Variants in CDC25A observed in about 807,000 individuals in gnomAD.
CDC25A encodes M-phase inducer phosphatase 1.
In CDC25A, 17 loss-of-function variants were observed where a neutral mutation model predicts 64.6. The ratio of observed to expected loss-of-function variants is 0.26; its 90% CI spans 0.18 to 0.39. The LOEUF is 0.39. Among genes scored for constraint, CDC25A ranks in the 10% least tolerant of loss-of-function variants. The probability of loss-of-function intolerance (pLI) is 1.00; values close to 1 mark genes in which losing one functional copy is unlikely to be tolerated. For missense variants in CDC25A, 473 were observed against 654.8 expected, an observed-to-expected ratio of 0.72 and a Z score of 3.03; for synonymous variants, 229 against 238.6, an observed-to-expected ratio of 0.96 and a Z score of 0.37.
chr3:48,169,179 C>T (rs902366173), intron 9 of CDC25A, among the ~76,000 whole-genome samples: 9 of 152,184 alleles, frequency 5.9e-5, no homozygotes, highest in Non-Finnish European at 1.2e-4. Context: ...TTCATCCTGC[C>T]TTTCCCAAGG....
At chr3:48,170,726 C>T (rs891344100) in intron 9 of CDC25A, among the ~76,000 whole-genome samples, 1 of 152,194 alleles carries the variant, frequency 6.6e-6, no homozygotes, top group Non-Finnish European at 1.5e-5. Flanking sequence ...GTTCCAACCT[C>T]TAATCATGTC....
intron 13 of CDC25A, among the ~76,000 whole-genome samples, chr3:48,160,090 A>G (rs932282934): frequency 6.6e-6 from 1 of 152,000 alleles, no homozygotes; most frequent in Non-Finnish European, 1.5e-5. Context: ...TGGGAGCTCC[A>G]CCACTGGCCT....
At chr3:48,176,422 T>C (rs2032458724) in intron 8 of CDC25A, among the ~76,000 whole-genome samples, 1 of 151,232 alleles carries the variant, frequency 6.6e-6, no homozygotes, top group Admixed American at 6.6e-5. Flanking sequence ...TGATTTTGAA[T>C]ATATATACAC....
In CDC25A at chr3:48,186,931, C is replaced by G; in HGVS notation, c.171-152G>C. 1.5e-5 allele frequency: 9 copies of G among 596,502 alleles called. No homozygotes were observed. The South Asian group carries it at 1.8e-4, about 12-fold the overall frequency. The allele number at this position is 596,502 out of a possible 1,614,324, so 37.0% of individuals were successfully genotyped here. A position where few individuals can be genotyped will look rare whatever the true frequency, so the allele number is the denominator to read the frequency against. ...GTGGCAAAGATCCCACTTTGCCACT[C>G]TGAACACCCAATTAGCACTTGGGCA... On this transcript the variant is annotated intron_variant, in intron 1 of 14. Transcript: ENST00000302506.
chr3:48,187,748 C>T (rs750147019), intron 1 of CDC25A, 30 bp downstream of exon 1: 39 of 1,526,546 alleles, frequency 2.6e-5, no homozygotes, highest in African/African-American at 1.9e-4. Context: ...GGCCAGGGGC[C>T]CGGAGCACCG....
rs1156535822 is a variant in CDC25A at position 48,164,366 on chromosome 3, A to G, written c.1263T>C (p.Asp421=). The change falls in exon 13 of 15, where the codon GAT becomes GAC. Residue 421 remains aspartate, a synonymous_variant. Coordinates refer to ENST00000302506, the MANE Select transcript of CDC25A (RefSeq NM_001789.3). ...FLLKKPIVPT[D]GKRVIVVFHC... is the part of the protein sequence containing the mutation. ...GAAACACAACAATGACACGCTTGCC[A>G]TCAGTAGGTACAATGGGCTTCTTCA... 3 of 1,603,598 alleles carry G rather than the reference A, an allele frequency of 1.9e-6. No individual in the cohort carries two copies. Among genetic ancestry groups the G allele is most frequent in the Non-Finnish European group, 1.7e-6 (2 of 1,176,358 alleles).
chr3:48,184,592 G>A (rs2032782421), intron 3 of CDC25A, 61 bp downstream of exon 3: 2 of 1,109,206 alleles, frequency 1.8e-6, no homozygotes, highest in Admixed American at 2.2e-5. Flanking sequence ...ATTTAAATAA[G>A]GTATTTAAGT....
chr3:48,170,646 T>A (rs1391283393), intron 9 of CDC25A, among the ~76,000 whole-genome samples: 1 of 152,190 alleles, frequency 6.6e-6, no homozygotes, highest in Non-Finnish European at 1.5e-5. Context: ...GATTAAACCA[T>A]TGGCCATGAG....
intron 13 of CDC25A, among the ~76,000 whole-genome samples, chr3:48,163,382 A>T (rs1457961424): frequency 6.6e-6 from 1 of 152,078 alleles, no homozygotes; most frequent in Non-Finnish European, 1.5e-5. Context: ...AGGCAGGCGG[A>T]TCACCTAAGG....
intron 9 of CDC25A, among the ~76,000 whole-genome samples, chr3:48,170,809 A>T (rs3731531): frequency 0.04 from 6,146 of 152,250 alleles, 424 homozygotes; most frequent in African/African-American, 0.14. Context: ...GACCTTGGAT[A>T]TTCCAAAGAT....
chr3:48,184,593 G>C, intron 3 of CDC25A, 60 bp downstream of exon 3: 1 of 1,122,990 alleles, frequency 8.9e-7, no homozygotes, highest in South Asian at 1.4e-5. Context: ...TTTAAATAAG[G>C]TATTTAAGTT....
At chr3:48,159,176 C>A in intron 14 of CDC25A, 91 bp from the exon 15 acceptor site, 1 of 1,506,032 alleles carries the variant, frequency 6.6e-7, no homozygotes, top group Non-Finnish European at 9.1e-7. Context: ...AGGCTGAAAG[C>A]GGCCAGGCAG....
At chr3:48,163,279 G>A (rs1409355537) in intron 13 of CDC25A, among the ~76,000 whole-genome samples, 1 of 115,140 alleles carries the variant, frequency 8.7e-6, no homozygotes, top group African/African-American at 3.7e-5. Flanking sequence ...GTGTGCCTCC[G>A]CCTCAAAAAA....
At chr3:48,178,566 G>C (rs2032551417) in intron 6 of CDC25A, among the ~76,000 whole-genome samples, 1 of 152,196 alleles carries the variant, frequency 6.6e-6, no homozygotes, top group Non-Finnish European at 1.5e-5. Context: ...TAATCCAATA[G>C]AAGCCTCACA....
At chr3:48,164,519 G>T in intron 12 of CDC25A, 82 bp from the exon 13 acceptor site, 3 of 1,305,380 alleles carry the variant, frequency 2.3e-6, no homozygotes, top group Non-Finnish European at 3.0e-6. Context: ...GATTCATCAA[G>T]AGTGATCTTT....
At chr3:48,179,152 G>T (rs543437404) in intron 6 of CDC25A, among the ~76,000 whole-genome samples, 1 of 152,240 alleles carries the variant, frequency 6.6e-6, no homozygotes, top group African/African-American at 2.4e-5. Context: ...TCCTCCCCAA[G>T]TGCACACTCT....
At chr3:48,162,389 G>A (rs13324912) in intron 13 of CDC25A, among the ~76,000 whole-genome samples, 2 of 151,514 alleles carry the variant, frequency 1.3e-5, no homozygotes, top group South Asian at 2.1e-4. Flanking sequence ...GGGCTCAAAC[G>A]ATCCTCCCAC....
At position 48,162,796 on chromosome 3, in the gene CDC25A, C is replaced by T. The variant is rs551240144; in HGVS notation, c.1322+1511G>A. ...CCAGGAGGCGGAGCTTGCAGTAAGT[C>T]GAGATTGTGCCACTGCACTCCAGCC... On this transcript the variant is annotated intron_variant, in intron 13 of 14. Coordinates refer to ENST00000302506, the MANE Select transcript of CDC25A (RefSeq NM_001789.3). Among the ~76,000 whole-genome samples the T allele has an allele frequency of 4.7e-5, 7 of 150,510 alleles. No individual in the cohort carries two copies. The South Asian group carries it at 1.3e-3, about 27-fold the overall frequency.
Position 48,167,938 on chromosome 3 carries a change from G to A in CDC25A, c.937C>T (p.His313Tyr). The part of the protein sequence containing the change: ...TNPEKAHETL[H>Y]QSLSLASSPK... Reference sequence around the variant, plus strand: ...GAAGATGCCAGGGATAAAGACTGATGAAGAGTCTGTAACAAATCAAAGGTA... The same window carrying A: ...GAAGATGCCAGGGATAAAGACTGATAAAGAGTCTGTAACAAATCAAAGGTA... Residue 313 changes from histidine (H) to tyrosine (Y), a missense_variant, in exon 10 of 15, where the codon CAT becomes TAT. This residue lies in a region of CDC25A where 376 missense variants were observed against 431.9 expected (regional missense o/e 0.87). Coordinates refer to ENST00000302506, the MANE Select transcript of CDC25A (RefSeq NM_001789.3). 1 of 1,587,870 alleles carries A rather than the reference G, an allele frequency of 6.3e-7. No individual in the cohort carries two copies. The highest frequency in any genetic ancestry group is 8.6e-7 in the Non-Finnish European group (1 of 1,156,190).
Sources: gnomAD v4.1 joint callset for allele counts (sites outside exome capture counted in the v4.1 genomes callset) on GRCh38, gnomAD v4.1.1 for gene constraint, gnomAD v4.1.1 regional missense constraint, MANE v1.5 for transcripts, NCBI Gene and HGNC (gene_info 2026-07-23, HGNC 2026-07-21) for gene names.